BRCA1: variants seen among roughly 807,000 people sequenced by gnomAD.
BRCA1 encodes breast cancer type 1 susceptibility protein.
A neutral mutation model predicts 173.7 loss-of-function variants in BRCA1; 140 were observed. That is an observed-to-expected ratio of 0.81 (90% CI 0.70 to 0.93). The LOEUF (loss-of-function observed/expected upper bound fraction) is 0.93, where lower values mean the gene tolerates loss of function less well. Ranked by LOEUF, BRCA1 falls within the 40% of genes least tolerant of loss-of-function variation. The pLI, the probability that BRCA1 is intolerant of heterozygous loss-of-function variation, is 0.00. For missense variants in BRCA1, 1,983 were observed against 2,172.5 expected, an observed-to-expected ratio of 0.91 and a Z score of 1.73; for synonymous variants, 662 against 756.0, an observed-to-expected ratio of 0.88 and a Z score of 2.04.
intron 1 of BRCA1, chr17:43,161,168 G>A (rs2056233576): frequency 6.6e-6 from 1 of 152,198 alleles, no homozygotes. Context: ...AATCTATTTT[G>A]ATAGATAGCA....
intron 1 of BRCA1, among the ~76,000 whole-genome samples, chr17:43,135,623 G>A (rs895580860): frequency 5.3e-5 from 8 of 152,142 alleles, no homozygotes; most frequent in African/African-American, 1.4e-4. Context: ...CTTCAGCCTC[G>A]TGAGCCCGAA....
chr17:43,136,867 G>A (rs942398928), intron 1 of BRCA1, among the ~76,000 whole-genome samples: 3 of 152,232 alleles, frequency 2.0e-5, no homozygotes, highest in African/African-American at 7.2e-5. Flanking sequence ...GTGGAAAACA[G>A]TGTGGTGATT....
At chr17:43,140,463 G>A (rs948043650) in intron 1 of BRCA1, 9 of 307,400 alleles carry the variant, frequency 2.9e-5, no homozygotes, top group Non-Finnish European at 4.3e-5. Flanking sequence ...GGTCTGACGT[G>A]AGGGCGGTCC....
At chr17:43,134,969 C>A (rs1036672979) in intron 1 of BRCA1, among the ~76,000 whole-genome samples, 1 of 152,242 alleles carries the variant, frequency 6.6e-6, no homozygotes, top group African/African-American at 2.4e-5. Context: ...GGTCTCCTCA[C>A]GGGATAGATA....
rs1249532992 is a variant in BRCA1, at chr17:43,092,631, G to A, written c.2900C>T (p.Thr967Ile). 1.2e-6 allele frequency: 2 copies of A among 1,614,078 alleles called. No individual in the cohort carries two copies. Among genetic ancestry groups the A allele is most frequent in the Admixed American group, 1.7e-5 (1 of 60,000 alleles). The stretch of plus-strand genomic sequence containing the variant: ...TTGTAAAAGTCCATGTTTATTTGGA[G>A]TAATGAGTCCAGTTTCGTTGCCTCT... ...QFRGNETGLI[T>I]PNKHGLLQNP... is the part of the protein sequence containing the mutation. Residue 967 changes from threonine (T) to isoleucine (I), a missense_variant, in exon 10 of 23, where the codon ACT (threonine) becomes ATT (isoleucine). Transcript: ENST00000357654.
chr17:43,100,602 T>C (rs2054366992), intron 6 of BRCA1, among the ~76,000 whole-genome samples: 1 of 91,812 alleles, frequency 1.1e-5, no homozygotes, highest in Non-Finnish European at 2.1e-5. Context: ...ATATTATATA[T>C]ATATAACATA....
upstream of BRCA1, among the ~76,000 whole-genome samples, chr17:43,126,769 C>G (rs1348982988): frequency 2.0e-5 from 3 of 150,468 alleles, no homozygotes; most frequent in Non-Finnish European, 4.4e-5. Flanking sequence ...CCCGCCACTG[C>G]GCTGTGGGGG....
intron 12 of BRCA1, among the ~76,000 whole-genome samples, chr17:43,078,688 T>G (rs2052856227): frequency 6.6e-6 from 1 of 152,232 alleles, no homozygotes; most frequent in Non-Finnish European, 1.5e-5. Context: ...ATTGATTTCC[T>G]GAGTTAGTCT....
At chr17:43,128,625 A>G (rs561220438), upstream of BRCA1, among the ~76,000 whole-genome samples, 1 of 152,216 alleles carries the variant, frequency 6.6e-6, no homozygotes, top group Non-Finnish European at 1.5e-5. Context: ...TCTTGGGAAC[A>G]TGGAGTGCTA....
At chr17:43,163,923 G>A (rs2056251533) in intron 1 of BRCA1, 1 of 152,274 alleles carries the variant, frequency 6.6e-6, no homozygotes, top group African/African-American at 2.4e-5. Flanking sequence ...ATAGCAGAGA[G>A]AGCTTGGCAT....
chr17:43,067,456 A>C, intron 16 of BRCA1, 152 bp downstream of exon 16: 1 of 616,876 alleles, frequency 1.6e-6, no homozygotes, highest in South Asian at 1.7e-5. Flanking sequence ...GGGTTTCACC[A>C]TGCTGGCCAG....
rs397509219 is a variant in BRCA1, at chr17:43,067,611, T to C, written c.5071A>G (p.Thr1691Ala). Residue 1691 changes from threonine (T) to alanine (A), a missense_variant, in exon 16 of 23, where the codon ACA becomes GCA. Coordinates refer to ENST00000357654, the MANE Select transcript of BRCA1 (RefSeq NM_007294.4). ...TEETTHVVMK[T>A]DAEFVCERTL... ...TCTGTAAAGGTTCTTGGTATACCTG[T>C]TTTCATAACAACATGAGTAGTCTCT... is the stretch of plus-strand genomic sequence containing the variant. 3 of 1,609,168 alleles carry C rather than the reference T, an allele frequency of 1.9e-6. No homozygotes were observed. Among genetic ancestry groups the C allele is most frequent in the Non-Finnish European group, 2.6e-6 (3 of 1,175,562 alleles).
At position 43,091,417 on chromosome 17, in the gene BRCA1, A is replaced by G. The variant is rs1057523237; in HGVS notation, c.4096+18T>C. 1.2e-6 allele frequency: 2 copies of G among 1,614,064 alleles called. No homozygotes were observed. The highest frequency in any genetic ancestry group is 1.7e-6 in the Non-Finnish European group (2 of 1,179,970). On this transcript the variant is annotated intron_variant, in intron 10 of 22. Coordinates refer to ENST00000357654, the MANE Select transcript of BRCA1 (RefSeq NM_007294.4). ...CTATAAATAGACTGGGGCAAACACA[A>G]AAACCTGGTTCCAATACCTAAGTTT... is the stretch of plus-strand genomic sequence containing the variant.
chr17:43,141,953 C>T (rs568632164), intron 1 of BRCA1, among the ~76,000 whole-genome samples: 5 of 152,124 alleles, frequency 3.3e-5, no homozygotes, highest in African/African-American at 1.2e-4. Flanking sequence ...GCTCTGTTGC[C>T]CAGGCTGGTG....
At chr17:43,147,518 G>T (rs2056131361) in intron 1 of BRCA1, among the ~76,000 whole-genome samples, 1 of 151,966 alleles carries the variant, frequency 6.6e-6, no homozygotes, top group African/African-American at 2.4e-5. Context: ...ATGTTGGTCA[G>T]GCTGGTCTCA....
chr17:43,075,066 C>A (rs1009746286), intron 13 of BRCA1, among the ~76,000 whole-genome samples: 12 of 147,250 alleles, frequency 8.1e-5, no homozygotes, highest in East Asian at 4.0e-4. Flanking sequence ...AAGGAAAGGA[C>A]GGAAGGAAGG....
chr17:43,067,996 G>A (rs897270922), intron 15 of BRCA1, among the ~76,000 whole-genome samples: 2 of 151,436 alleles, frequency 1.3e-5, no homozygotes, highest in African/African-American at 2.4e-5. Context: ...CTGAAGTCTC[G>A]GCTGGGCGCG....
chr17:43,100,635 TA>T (rs2054385385), intron 6 of BRCA1, among the ~76,000 whole-genome samples: 1 of 80,246 alleles, frequency 1.2e-5, no homozygotes, highest in Non-Finnish European at 2.3e-5. Flanking sequence ...ATATATGTTA[TA>T]TATATATAAC....
At chr17:43,100,684 T>TATAACATATATATATATATATA (rs1555595423) in intron 6 of BRCA1, among the ~76,000 whole-genome samples, 592 of 12,518 alleles carry the variant, frequency 0.047, 78 homozygotes, top group African/African-American at 0.12. Context: ...ATATAATATA[T>TATAACATATATATATATATATA]ATATATATAT....
Sources: allele counts gnomAD v4.1 joint callset (sites outside exome capture counted in the v4.1 genomes callset), GRCh38; gene constraint gnomAD v4.1.1; transcripts MANE v1.5; gene names NCBI Gene and HGNC (gene_info 2026-07-23, HGNC 2026-07-21).